The following EIF4G3 variants were observed in gnomAD, a reference collection of about 807,000 sequenced individuals.
EIF4G3 encodes eukaryotic translation initiation factor 4 gamma 3.
A neutral mutation model predicts 186.4 loss-of-function variants in EIF4G3; 34 were observed. The ratio of observed to expected loss-of-function variants is 0.18; its 90% CI spans 0.14 to 0.24. The LOEUF (loss-of-function observed/expected upper bound fraction) is 0.24. EIF4G3 is among the 10% of genes least tolerant of loss of function. EIF4G3 has a pLI of 1.00. For missense variants in EIF4G3, 1,536 were observed against 1,948.5 expected (o/e 0.79, Z 3.99); for synonymous variants, 673 against 679.5 (o/e 0.99, Z 0.15).
intron 3 of EIF4G3, among the ~76,000 whole-genome samples, chr1:21,072,504 C>A (rs531698791): frequency 1.3e-5 from 2 of 152,058 alleles, no homozygotes; most frequent in Non-Finnish European, 2.9e-5. Flanking sequence ...CCCAGGTTCA[C>A]GCCATTCTCC....
chr1:21,132,442 C>G (rs2097169330), intron 2 of EIF4G3, among the ~76,000 whole-genome samples: 1 of 152,102 alleles, frequency 6.6e-6, no homozygotes, highest in Admixed American at 6.6e-5. Context: ...TTTGTCTCTT[C>G]ATAGCTTTTA....
intron 5 of EIF4G3, among the ~76,000 whole-genome samples, chr1:21,001,571 C>T (rs2083505072): frequency 6.6e-6 from 1 of 152,110 alleles, no homozygotes; most frequent in Non-Finnish European, 1.5e-5. Context: ...CCAAACCACT[C>T]TCATAACAAA....
intron 4 of EIF4G3, among the ~76,000 whole-genome samples, chr1:21,023,577 T>C (rs1335664944): frequency 1.3e-5 from 2 of 152,058 alleles, no homozygotes; most frequent in Non-Finnish European, 2.9e-5. Flanking sequence ...GTGCCCAGGC[T>C]GGAGTGCAGT....
At chr1:21,152,832 T>G (rs545288749) in intron 2 of EIF4G3, among the ~76,000 whole-genome samples, 1 of 152,210 alleles carries the variant, frequency 6.6e-6, no homozygotes, top group Non-Finnish European at 1.5e-5. Flanking sequence ...AGGTAAAAGA[T>G]CCATTCAAGC....
rs554255884 is a variant in EIF4G3, at chr1:21,040,312, T to C, written c.-67+10554A>G. Reference sequence around the variant, plus strand: ...TCTACGTAACCAAACACATGGAAGTTGCTGGAGGGTGGTGCACCAAGGAAG... The same window carrying C: ...TCTACGTAACCAAACACATGGAAGTCGCTGGAGGGTGGTGCACCAAGGAAG... On this transcript the variant is annotated intron_variant, in intron 4 of 36. Transcript: ENST00000602326. Among the ~76,000 whole-genome samples the C allele has an allele frequency of 2.9e-3, 435 of 152,332 alleles. 1 individual carries two copies. Among genetic ancestry groups the C allele is most frequent in the Middle Eastern group, 0.027 (8 of 294 alleles).
Position 20,943,972 on chromosome 1 carries a change from TTTTGTGTGTGTG to T in EIF4G3, c.824-1654_824-1643del, listed in dbSNP as rs1241213321. On this transcript the variant is annotated intron_variant, in intron 13 of 36. Transcript: ENST00000602326. ...TTTCAGGAAAACTTGTCTTTATTTT[TTTTGTGTGTGTG>T]TGTGTGTGTGTGTGTGTGTGTGTGT... Among the ~76,000 whole-genome samples, 238 of 44,834 alleles carry T rather than the reference TTTTGTGTGTGTG, an allele frequency of 5.3e-3. 5 individuals are homozygous for T. The highest frequency in any genetic ancestry group is 0.016 in the African/African-American group (220 of 13,442). 29.4% of individuals were successfully genotyped at this position (44,834 alleles called of 152,430 possible).
intron 4 of EIF4G3, among the ~76,000 whole-genome samples, chr1:21,010,419 C>CAAAAAAAAAAAAAAAAAAA (rs11318361): frequency 9.9e-6 from 1 of 101,166 alleles, no homozygotes; most frequent in African/African-American, 4.0e-5. Context: ...GACTCTGTCT[C>CAAAAAAAAAAAAAAAAAAA]AAAAAAAAAA....
rs2097535090 is a variant in EIF4G3, at chr1:21,150,685, A to G, written c.-272+25490T>C. On this transcript the variant is annotated intron_variant, in intron 2 of 36. Coordinates refer to ENST00000602326, the MANE Select transcript of EIF4G3 (RefSeq NM_001391906.1). ...GAAGTAGCTTTACTTTGCTAATTATAAAAATAACTGGCCGGGTGCGGTGGC... is the reference window on the plus strand; with the variant it reads ...GAAGTAGCTTTACTTTGCTAATTATGAAAATAACTGGCCGGGTGCGGTGGC... Among the ~76,000 whole-genome samples, 3 of 152,342 alleles carry G rather than the reference A, an allele frequency of 2.0e-5. No homozygotes were observed. In the South Asian group the frequency reaches 6.2e-4, roughly 32 times the overall value.
chr1:21,034,912 G>A (rs2093049187), intron 4 of EIF4G3, among the ~76,000 whole-genome samples: 1 of 152,072 alleles, frequency 6.6e-6, no homozygotes, highest in Non-Finnish European at 1.5e-5. Flanking sequence ...ACCCTGGCAG[G>A]GTCGTAAGCC....
chr1:20,888,891 T>C (rs1287171197), intron 18 of EIF4G3, among the ~76,000 whole-genome samples: 3 of 152,200 alleles, frequency 2.0e-5, no homozygotes, highest in African/African-American at 7.2e-5. Flanking sequence ...ATGATTTATA[T>C]ACTAAACACA....
chr1:21,172,784 A>G (rs2098009758), intron 2 of EIF4G3, among the ~76,000 whole-genome samples: 3 of 150,090 alleles, frequency 2.0e-5, no homozygotes, highest in African/African-American at 7.4e-5. Context: ...TCCTGATCTC[A>G]TGATCTGCCC....
At chr1:20,856,874 G>C (rs1034575375) in intron 25 of EIF4G3, among the ~76,000 whole-genome samples, 1 of 152,082 alleles carries the variant, frequency 6.6e-6, no homozygotes, top group Non-Finnish European at 1.5e-5. Flanking sequence ...TATAGAAGTA[G>C]AAATGAGGCC....
chr1:21,056,501 C>G (rs2154578105), intron 3 of EIF4G3, among the ~76,000 whole-genome samples: 2 of 152,196 alleles, frequency 1.3e-5, no homozygotes, highest in Middle Eastern at 6.9e-3. Context: ...TTATACAGAA[C>G]AGAAATAGCA....
chr1:21,060,270 A>C (rs940833590), intron 3 of EIF4G3, among the ~76,000 whole-genome samples: 5 of 152,206 alleles, frequency 3.3e-5, no homozygotes, highest in Non-Finnish European at 7.3e-5. Context: ...CAAATCTAAG[A>C]TGGCTCTCAG....
intron 4 of EIF4G3, among the ~76,000 whole-genome samples, chr1:21,016,087 A>G (rs1461730332): frequency 3.3e-5 from 5 of 152,216 alleles, no homozygotes; most frequent in Admixed American, 1.3e-4. Context: ...AACAGACAAA[A>G]GCATAAAAAT....
At chr1:21,069,356 T>C (rs918916536) in intron 3 of EIF4G3, among the ~76,000 whole-genome samples, 1 of 152,320 alleles carries the variant, frequency 6.6e-6, no homozygotes, top group South Asian at 2.1e-4. Context: ...TGTTCTCATT[T>C]ACATAATCAT....
chr1:21,143,566 A>G (rs535788194), intron 2 of EIF4G3, among the ~76,000 whole-genome samples: 1 of 152,344 alleles, frequency 6.6e-6, no homozygotes, highest in Non-Finnish European at 1.5e-5. Context: ...TATGTCTATA[A>G]TGTACAGTAA....
At chr1:21,104,713 GTA>G (rs1236930936) in intron 2 of EIF4G3, among the ~76,000 whole-genome samples, 1 of 152,124 alleles carries the variant, frequency 6.6e-6, no homozygotes, top group Non-Finnish European at 1.5e-5. Flanking sequence ...CCATTATTGG[GTA>G]TATACCCAAA....
chr1:21,008,614 T>C (rs1557478565), intron 4 of EIF4G3, among the ~76,000 whole-genome samples: 1 of 152,162 alleles, frequency 6.6e-6, no homozygotes, highest in East Asian at 1.9e-4. Flanking sequence ...GCTGGGATTA[T>C]AGGCGTGAGC....
Sources: gnomAD v4.1 joint callset for allele counts (sites outside exome capture counted in the v4.1 genomes callset) on GRCh38, gnomAD v4.1.1 for gene constraint, MANE v1.5 for transcripts, NCBI Gene and HGNC (gene_info 2026-07-23, HGNC 2026-07-21) for gene names.